Variants in MAPK10 observed in about 807,000 individuals in gnomAD.
MAPK10 encodes JNK3 alpha protein kinase.
In MAPK10, 25 loss-of-function variants were observed where a neutral mutation model predicts 59.3. The observed-to-expected ratio is 0.42, with a 90% confidence interval of 0.31 to 0.59. MAPK10 has a LOEUF of 0.59. Ranked by LOEUF, MAPK10 falls within the 20% of genes least tolerant of loss-of-function variation. The pLI is 0.15. For missense variants in MAPK10, 351 were observed against 568.9 expected (o/e 0.62, Z 3.90); for synonymous variants, 190 against 200.5 (o/e 0.95, Z 0.44).
intron 2 of MAPK10, among the ~76,000 whole-genome samples, chr4:86,288,255 T>G (rs934671977): frequency 6.6e-6 from 1 of 151,844 alleles, no homozygotes; most frequent in African/African-American, 2.4e-5. Context: ...ACATGTGCCA[T>G]GCTGGTGTGC....
intron 2 of MAPK10, among the ~76,000 whole-genome samples, chr4:86,346,912 A>G (rs1728581930): frequency 6.8e-6 from 1 of 147,768 alleles, no homozygotes. Flanking sequence ...GCACACACAC[A>G]TATGTCTTAA....
intron 1 of MAPK10, among the ~76,000 whole-genome samples, chr4:86,580,033 G>C (rs1041490444): frequency 1.3e-5 from 2 of 151,940 alleles, no homozygotes; most frequent in Admixed American, 1.3e-4. Flanking sequence ...GGTTGCTCTT[G>C]AACTCTGGAT....
chr4:86,084,340 T>C (rs1343814045), intron 9 of MAPK10, among the ~76,000 whole-genome samples: 2 of 152,214 alleles, frequency 1.3e-5, no homozygotes, highest in Non-Finnish European at 2.9e-5. Context: ...GATGATATGA[T>C]GTTATGCTTG....
chr4:86,295,635 G>C (rs2148830672), intron 2 of MAPK10, among the ~76,000 whole-genome samples: 1 of 151,214 alleles, frequency 6.6e-6, no homozygotes, highest in South Asian at 2.1e-4. Context: ...TGTCTACTAT[G>C]ATACAAAAGA....
At chr4:86,038,846 CA>C (rs1222276056) in intron 11 of MAPK10, among the ~76,000 whole-genome samples, 1 of 152,098 alleles carries the variant, frequency 6.6e-6, no homozygotes, top group Non-Finnish European at 1.5e-5. Context: ...GCACAATTAT[CA>C]AAAGAATTGA....
chr4:86,190,740 A>G (rs923629695), intron 3 of MAPK10, among the ~76,000 whole-genome samples: 2 of 151,464 alleles, frequency 1.3e-5, no homozygotes, highest in East Asian at 3.9e-4. Flanking sequence ...TTGTGTATCT[A>G]TCCTTCAGTT....
intron 1 of MAPK10, among the ~76,000 whole-genome samples, chr4:86,407,027 CA>C (rs1744447922): frequency 6.6e-6 from 1 of 152,160 alleles, no homozygotes; most frequent in Non-Finnish European, 1.5e-5. Flanking sequence ...TCCTCATAGA[CA>C]AGGAATGAAT....
chr4:86,346,181 G>A (rs549414837), intron 2 of MAPK10, among the ~76,000 whole-genome samples: 1 of 152,278 alleles, frequency 6.6e-6, no homozygotes, highest in African/African-American at 2.4e-5. Context: ...TTGGCAACAG[G>A]ATAGTAGGAT....
intron 2 of MAPK10, among the ~76,000 whole-genome samples, chr4:86,314,906 G>T (rs2095748197): frequency 6.6e-6 from 1 of 151,806 alleles, no homozygotes; most frequent in Non-Finnish European, 1.5e-5. Flanking sequence ...AAATTTTCTA[G>T]GTTTTAATGT....
chr4:86,486,403 T>C (rs1754000275), intron 1 of MAPK10, among the ~76,000 whole-genome samples: 1 of 152,156 alleles, frequency 6.6e-6, no homozygotes, highest in Non-Finnish European at 1.5e-5. Context: ...TGCAAGTAAC[T>C]TTTGATCACA....
At chr4:86,211,494 A>G (rs2085797852) in intron 2 of MAPK10, among the ~76,000 whole-genome samples, 1 of 152,122 alleles carries the variant, frequency 6.6e-6, no homozygotes, top group Non-Finnish European at 1.5e-5. Flanking sequence ...CTGTTTTTCA[A>G]AAGTAGGAAA....
At chr4:86,151,465 A>G (rs2066456009) in intron 4 of MAPK10, among the ~76,000 whole-genome samples, 2 of 152,200 alleles carry the variant, frequency 1.3e-5, no homozygotes, top group African/African-American at 2.4e-5. Context: ...CAGTGTGATT[A>G]TATCATTCCT....
intron 1 of MAPK10, among the ~76,000 whole-genome samples, chr4:86,385,944 T>C (rs1741392435): frequency 6.6e-6 from 1 of 152,224 alleles, no homozygotes; most frequent in South Asian, 2.1e-4. Flanking sequence ...TACTGTAGTA[T>C]TTATCCAGTC....
intron 11 of MAPK10, among the ~76,000 whole-genome samples, chr4:86,033,387 C>T (rs772015546): frequency 4.6e-5 from 7 of 152,200 alleles, no homozygotes; most frequent in Non-Finnish European, 1.0e-4. Flanking sequence ...CTGTTGGCAC[C>T]TCCTTCTTCT....
intron 1 of MAPK10, among the ~76,000 whole-genome samples, chr4:86,423,303 C>T (rs1208152565): frequency 6.6e-6 from 1 of 152,140 alleles, no homozygotes; most frequent in East Asian, 1.9e-4. Flanking sequence ...CAATGGCCTT[C>T]CCATTCTTAA....
At chr4:86,209,814 C>T (rs1040689714) in intron 2 of MAPK10, among the ~76,000 whole-genome samples, 2 of 151,902 alleles carry the variant, frequency 1.3e-5, no homozygotes, top group African/African-American at 4.8e-5. Context: ...CCCAGAGTAG[C>T]CAAAACTGTC....
intron 1 of MAPK10, among the ~76,000 whole-genome samples, chr4:86,403,861 A>G (rs1200927006): frequency 2.6e-5 from 4 of 152,150 alleles, no homozygotes; most frequent in Non-Finnish European, 5.9e-5. Context: ...TTACAACCGG[A>G]GATAAGATTT....
rs188238380 is a variant in MAPK10 at position 86,012,349 on chromosome 4, T to C, written c.*4879A>G. 2 of 152,294 alleles carry C rather than the reference T, an allele frequency of 1.3e-5. No homozygotes were observed. Among genetic ancestry groups the C allele is most frequent in the East Asian group, 3.9e-4 (2 of 5,174 alleles). The allele number at this position is 152,294 out of a possible 1,614,324, so 9.4% of individuals were successfully genotyped here. Reference sequence around the variant, plus strand: ...GCACAATCAGACCACACTACAAGTTTCTTTTACCAGTTGCCAAAATGAAAT... The same window carrying C: ...GCACAATCAGACCACACTACAAGTTCCTTTTACCAGTTGCCAAAATGAAAT... On this transcript the variant is annotated 3_prime_UTR_variant, in exon 14 of 14. Transcript: ENST00000641462.
intron 2 of MAPK10, among the ~76,000 whole-genome samples, chr4:86,210,998 C>A (rs2085637129): frequency 6.6e-6 from 1 of 151,518 alleles, no homozygotes; most frequent in Admixed American, 6.6e-5. Context: ...AGTAAAGAAT[C>A]AATGAACTTG....
Sources: gnomAD v4.1 joint callset for allele counts (sites outside exome capture counted in the v4.1 genomes callset) on GRCh38, gnomAD v4.1.1 for gene constraint, MANE v1.5 for transcripts, NCBI Gene and HGNC (gene_info 2026-07-23, HGNC 2026-07-21) for gene names.